ESR1: variants seen among roughly 807,000 people sequenced by gnomAD.
ESR1 encodes the protein estrogen receptor.
Under a neutral mutation model 52.7 loss-of-function variants are expected in ESR1, and 12 were observed. That is an observed-to-expected ratio of 0.23 (90% CI 0.15 to 0.37). ESR1 has a LOEUF of 0.37. Among genes scored for constraint, ESR1 ranks in the 10% least tolerant of loss-of-function variants. The pLI, the probability that ESR1 is intolerant of heterozygous loss-of-function variation, is 1.00. For missense variants in ESR1, 584 were observed against 779.7 expected, an observed-to-expected ratio of 0.75 and a Z score of 2.99; for synonymous variants, 305 against 316.8, an observed-to-expected ratio of 0.96 and a Z score of 0.39.
intron 1 of ESR1, among the ~76,000 whole-genome samples, chr6:151,825,967 G>A (rs147520078): frequency 1.1e-4 from 17 of 151,170 alleles, no homozygotes; most frequent in African/African-American, 3.9e-4. Context: ...TGGGTACTTA[G>A]GAATTTGGTT....
intron 4 of ESR1, among the ~76,000 whole-genome samples, chr6:151,986,685 T>G (rs2128698020): frequency 6.6e-6 from 1 of 152,294 alleles, no homozygotes; most frequent in African/African-American, 2.4e-5. Flanking sequence ...TGCCATATTC[T>G]CTTCTGTGTC....
At chr6:152,105,835 C>T (rs1320534808), downstream of ESR1, among the ~76,000 whole-genome samples, 4 of 122,318 alleles carry the variant, frequency 3.3e-5, no homozygotes, top group East Asian at 2.5e-4. Context: ...GGCCGGACTG[C>T]GGACTGCAGT....
At chr6:151,893,735 C>T (rs1319846973) in intron 3 of ESR1, among the ~76,000 whole-genome samples, 2 of 152,118 alleles carry the variant, frequency 1.3e-5, no homozygotes, top group Admixed American at 6.5e-5. Context: ...GATTTTAGTG[C>T]TCATTTGACC....
rs752526411 is a variant in ESR1, at chr6:152,061,031, G to A, written c.1276G>A (p.Asp426Asn). Residue 426 changes from aspartate to asparagine, a missense_variant, in exon 6 of 8, where the codon GAC (aspartate) becomes AAC (asparagine). Asp to Asn is a conservative substitution (Grantham distance 23). Coordinates refer to ENST00000206249, the MANE Select transcript of ESR1 (RefSeq NM_000125.4). This position sits in a 1 kb window ranked among gnomAD's most constrained non-coding sequence, Gnocchi z 4.3. ...TGTAGAGGGCATGGTGGAGATCTTC[G>A]ACATGCTGCTGGCTACATCATCTCG... is the stretch of plus-strand genomic sequence containing the variant. ...KCVEGMVEIF[D>N]MLLATSSRFR... is the part of the protein sequence containing the mutation. The A allele has an allele frequency of 6.2e-7, 1 of 1,612,764 alleles. No individual in the cohort carries two copies. Among genetic ancestry groups the A allele is most frequent in the Non-Finnish European group, 8.5e-7 (1 of 1,179,188 alleles).
chr6:151,760,005 A>G (rs1283615044), intron 2 of ESR1, among the ~76,000 whole-genome samples: 2 of 152,244 alleles, frequency 1.3e-5, no homozygotes, highest in East Asian at 1.9e-4. Context: ...TAGTCTATGC[A>G]TGGTTTATTA....
At chr6:151,800,526 A>C (rs948568930), upstream of ESR1, among the ~76,000 whole-genome samples, 1 of 152,076 alleles carries the variant, frequency 6.6e-6, no homozygotes, top group Admixed American at 6.5e-5. Flanking sequence ...ATGATGTTTT[A>C]AGGCTGGGAC....
At chr6:151,926,103 C>A (rs574759131) in intron 3 of ESR1, among the ~76,000 whole-genome samples, 1 of 152,044 alleles carries the variant, frequency 6.6e-6, no homozygotes, top group African/African-American at 2.4e-5. Context: ...TGACCTTTTT[C>A]TCATTTAATT....
At chr6:151,880,547 T>A (rs1792729754) in intron 2 of ESR1, 108 bp from the exon 3 acceptor site, 3 of 785,698 alleles carry the variant, frequency 3.8e-6, no homozygotes, top group African/African-American at 1.7e-5. Context: ...AGCAACATAG[T>A]AAGGCTGAGG....
intron 2 of ESR1, among the ~76,000 whole-genome samples, chr6:151,727,409 C>G (rs1781928300): frequency 6.6e-6 from 1 of 152,012 alleles, no homozygotes; most frequent in Non-Finnish European, 1.5e-5. Context: ...CCCATGTTGG[C>G]CAGGCTGATC....
intron 4 of ESR1, among the ~76,000 whole-genome samples, chr6:151,949,276 G>A (rs1208193447): frequency 1.3e-5 from 2 of 152,200 alleles, no homozygotes; most frequent in Non-Finnish European, 2.9e-5. Flanking sequence ...AACTTAAAGT[G>A]GGTAGGGATG....
chr6:152,019,287 A>T (rs1484889434), intron 5 of ESR1, among the ~76,000 whole-genome samples: 2 of 152,240 alleles, frequency 1.3e-5, no homozygotes, highest in Non-Finnish European at 2.9e-5. Flanking sequence ...GCACACACGT[A>T]CACACACATA....
chr6:151,949,295 C>T (rs866073072), intron 4 of ESR1, among the ~76,000 whole-genome samples: 7 of 152,128 alleles, frequency 4.6e-5, no homozygotes, highest in South Asian at 2.1e-4. Flanking sequence ...TGAGGGTTCC[C>T]GGAGAAGGTG....
At chr6:152,028,947 C>A (rs1472648033) in intron 5 of ESR1, among the ~76,000 whole-genome samples, 1 of 152,180 alleles carries the variant, frequency 6.6e-6, no homozygotes, top group African/African-American at 2.4e-5. Context: ...ACAAAACCTC[C>A]AGAGGAACGA....
At chr6:151,698,772 T>C (rs1363181049) in intron 1 of ESR1, among the ~76,000 whole-genome samples, 4 of 152,176 alleles carry the variant, frequency 2.6e-5, no homozygotes, top group East Asian at 3.9e-4. Flanking sequence ...GATGCTACAC[T>C]CCTGAGAATG....
chr6:151,907,970 C>G (rs1340123628), intron 3 of ESR1, among the ~76,000 whole-genome samples: 2 of 152,078 alleles, frequency 1.3e-5, no homozygotes, highest in African/African-American at 4.8e-5. Context: ...TAGGCTTATA[C>G]TGAGCAATAA....
chr6:151,967,293 C>A (rs1000063282), intron 4 of ESR1, among the ~76,000 whole-genome samples: 1 of 152,112 alleles, frequency 6.6e-6, no homozygotes, highest in Admixed American at 6.5e-5. Flanking sequence ...ACCAACCCAT[C>A]ATTTACATTA....
intron 3 of ESR1, among the ~76,000 whole-genome samples, chr6:151,919,909 T>C (rs1281925049): frequency 6.6e-6 from 1 of 152,192 alleles, no homozygotes; most frequent in Non-Finnish European, 1.5e-5. Context: ...TATGTACATG[T>C]ATATGTATAT....
intron 6 of ESR1, among the ~76,000 whole-genome samples, chr6:152,093,793 T>A (rs889596014): frequency 1.3e-5 from 2 of 152,202 alleles, no homozygotes; most frequent in Non-Finnish European, 2.9e-5. Context: ...AAATCCTACC[T>A]GGAAAAATCA....
Position 151,762,636 on chromosome 6 carries a change from C to G in ESR1, c.-70-45207C>G, listed in dbSNP as rs532165263. On this transcript the variant is annotated intron_variant, in intron 2 of 2. Transcript: ENST00000404742. Reference sequence around the variant, plus strand: ...GTAAAGTTATTTTACGTAATTAGCACTCAAAAGTGACCATTAATAATCTAA... The same window carrying G: ...GTAAAGTTATTTTACGTAATTAGCAGTCAAAAGTGACCATTAATAATCTAA... Among the ~76,000 whole-genome samples, 19 of 152,214 alleles carry G rather than the reference C, an allele frequency of 1.2e-4. No homozygotes were observed. The South Asian group carries it at 3.7e-3, about 30-fold the overall frequency.
Sources: gnomAD v4.1 joint callset for allele counts (sites outside exome capture counted in the v4.1 genomes callset) on GRCh38, gnomAD v4.1.1 for gene constraint, Gnocchi (gnomAD v3.1) non-coding constraint, MANE v1.5 for transcripts, NCBI Gene and HGNC (gene_info 2026-07-23, HGNC 2026-07-21) for gene names.